ZIM2: variants seen among roughly 807,000 people sequenced by gnomAD.
ZIM2 encodes zinc finger protein 656.
A neutral mutation model predicts 38.6 loss-of-function variants in ZIM2; 14 were observed. The ratio of observed to expected loss-of-function variants is 0.36; its 90% CI spans 0.24 to 0.57. The LOEUF is 0.57. Ranked by LOEUF, ZIM2 falls within the 20% of genes least tolerant of loss-of-function variation. The pLI is 0.81. For synonymous variants in ZIM2, 247 were observed against 245.8 expected, an observed-to-expected ratio of 1.00 and a Z score of -0.04; for missense variants, 680 against 695.1, an observed-to-expected ratio of 0.98 and a Z score of 0.24.
At chr19:56,783,252 A>G (rs2046419029) in intron 10 of ZIM2, among the ~76,000 whole-genome samples, 1 of 152,210 alleles carries the variant, frequency 6.6e-6, no homozygotes, top group South Asian at 2.1e-4. Context: ...TCAATTAACT[A>G]CAGTTATATA....
chr19:56,812,818 T>TAAA (rs11392622), intron 9 of ZIM2: 167 of 867,474 alleles, frequency 1.9e-4, no homozygotes, highest in South Asian at 2.2e-4. Context: ...TTGAGTTGGT[T>TAAA]AAAAAAAAAA....
intron 9 of ZIM2, among the ~76,000 whole-genome samples, chr19:56,806,054 G>T (rs186295560): frequency 2.0e-5 from 3 of 152,228 alleles, no homozygotes; most frequent in Admixed American, 2.0e-4. Flanking sequence ...TATGCCCAGT[G>T]GTTATAAAAA....
chr19:56,799,883 G>A lies in ZIM2; in HGVS notation c.491-9932C>T, dbSNP rs139673211. Reference sequence around the variant, plus strand: ...AAAGGAACAAACTGCCTATACATGCGATAAAATGGATGAATATAGAAAAAC... The same window carrying A: ...AAAGGAACAAACTGCCTATACATGCAATAAAATGGATGAATATAGAAAAAC... On this transcript the variant is annotated intron_variant, in intron 9 of 12. Coordinates refer to ENST00000629319, the MANE Select transcript of ZIM2 (RefSeq NM_001387356.1). Among the ~76,000 whole-genome samples, 20 of 152,308 alleles carry A rather than the reference G, an allele frequency of 1.3e-4. 1 individual carries two copies. In the East Asian group the frequency reaches 3.5e-3, roughly 26 times the overall value.
intron 2 of ZIM2, among the ~76,000 whole-genome samples, chr19:56,828,217 A>G (rs2061245816): frequency 6.6e-6 from 1 of 152,126 alleles, no homozygotes; most frequent in Admixed American, 6.6e-5. Flanking sequence ...ATCCATAGTC[A>G]TACCCTAACC....
chr19:56,789,771 A>G (rs1403973115), intron 10 of ZIM2, 101 bp downstream of exon 10: 1 of 1,036,246 alleles, frequency 9.7e-7, no homozygotes, highest in Non-Finnish European at 1.3e-6. Context: ...ATAAAAACTT[A>G]ATGGAAATGA....
intron 10 of ZIM2, among the ~76,000 whole-genome samples, chr19:56,786,928 C>T (rs1277584745): frequency 6.6e-6 from 1 of 152,208 alleles, no homozygotes; most frequent in Non-Finnish European, 1.5e-5. Flanking sequence ...CCTCCACCTC[C>T]TGGGTTCAAG....
intron 2 of ZIM2, among the ~76,000 whole-genome samples, chr19:56,835,670 G>A (rs1218739181): frequency 2.6e-5 from 4 of 152,154 alleles, no homozygotes; most frequent in Non-Finnish European, 5.9e-5. Context: ...CCCCCATTGG[G>A]GCTATGTCCC....
intron 9 of ZIM2, among the ~76,000 whole-genome samples, chr19:56,807,495 G>C (rs953228954): frequency 4.6e-5 from 7 of 152,270 alleles, no homozygotes; most frequent in South Asian, 4.1e-4. Context: ...CAATATCTCT[G>C]ACAGGGCAAC....
chr19:56,807,747 T>C (rs1600818498), intron 9 of ZIM2, among the ~76,000 whole-genome samples: 1 of 151,844 alleles, frequency 6.6e-6, no homozygotes, highest in East Asian at 1.9e-4. Context: ...GCTGTGTTTG[T>C]GCCACTGCAC....
intron 11 of ZIM2, among the ~76,000 whole-genome samples, chr19:56,780,510 T>C (rs549791623): frequency 1.3e-5 from 2 of 152,210 alleles, no homozygotes; most frequent in African/African-American, 4.8e-5. Flanking sequence ...TCCCAAAGTG[T>C]TGGGATTACA....
At chr19:56,808,942 C>T (rs778544230) in intron 9 of ZIM2, among the ~76,000 whole-genome samples, 7 of 152,042 alleles carry the variant, frequency 4.6e-5, no homozygotes, top group South Asian at 2.1e-4. Flanking sequence ...TGACTGGACA[C>T]GGGGAACCTA....
At position 56,787,558 on chromosome 19, in the gene ZIM2, T is replaced by G. The variant is rs564560246; in HGVS notation, c.570+2314A>C. Among the ~76,000 whole-genome samples, 6 of 152,282 alleles carry G rather than the reference T, an allele frequency of 3.9e-5. No homozygotes were observed. In the South Asian group the frequency reaches 1.2e-3, roughly 32 times the overall value. ...GGATATTGGCCTGAAATTTTCTTTT[T>G]TTGTTGTCTCTGCCAGGTTTTGCTA... On this transcript the variant is annotated intron_variant, in intron 10 of 12. Transcript: ENST00000629319.
intron 9 of ZIM2, chr19:56,812,563 G>A: frequency 2.0e-6 from 2 of 985,784 alleles, no homozygotes; most frequent in East Asian, 1.1e-4. Flanking sequence ...ATAAGCTGAT[G>A]CTGCACAGGG....
Position 56,774,677 on chromosome 19 carries a change from C to T in ZIM2, c.*11G>A. 1.2e-6 allele frequency: 2 copies of T among 1,611,370 alleles called. No individual in the cohort carries two copies. The highest frequency in any genetic ancestry group is 4.5e-5 in the East Asian group (2 of 44,844). ...ATGTTGAGAAAAGTGTGTGCTGTGA[C>T]TAAAGGTTTCTCAACAGTGATCGCA... On this transcript the variant is annotated 3_prime_UTR_variant, in exon 13 of 13. Transcript: ENST00000629319.
chr19:56,834,058 A>C (rs1322028152), intron 2 of ZIM2, among the ~76,000 whole-genome samples: 1 of 152,228 alleles, frequency 6.6e-6, no homozygotes, highest in Non-Finnish European at 1.5e-5. Flanking sequence ...ACCAGCACAA[A>C]ATGGTTCAAG....
chr19:56,820,121 A>G lies in ZIM2; in HGVS notation c.295-1419T>C, dbSNP rs138442777. Among the ~76,000 whole-genome samples, 521 of 152,376 alleles carry G rather than the reference A, an allele frequency of 3.4e-3. 2 individuals are homozygous for G. The highest frequency in any genetic ancestry group is 0.012 in the African/African-American group (489 of 41,590). ...GTTGTTCGCTTTGTGTTTGTAATCA[A>G]CAATGACATCTTAATGCATACAAAC... On this transcript the variant is annotated intron_variant, in intron 7 of 12. Transcript: ENST00000629319.
intron 9 of ZIM2, among the ~76,000 whole-genome samples, chr19:56,795,259 C>T (rs2047139420): frequency 6.6e-6 from 1 of 152,192 alleles, no homozygotes; most frequent in Non-Finnish European, 1.5e-5. Flanking sequence ...TTAGGGCAGT[C>T]AGACGCAGCC....
intron 2 of ZIM2, among the ~76,000 whole-genome samples, chr19:56,832,547 C>A (rs1263010003): frequency 6.6e-6 from 1 of 152,254 alleles, no homozygotes; most frequent in African/African-American, 2.4e-5. Flanking sequence ...GCTTCCATAT[C>A]TCCCTCTGCT....
intron 9 of ZIM2, chr19:56,813,691 T>C: frequency 6.2e-7 from 1 of 1,613,258 alleles, no homozygotes; most frequent in South Asian, 1.1e-5. Flanking sequence ...AGTGTGGGTA[T>C]TCTGGTGTCT....
Sources: gnomAD v4.1 joint callset for allele counts (sites outside exome capture counted in the v4.1 genomes callset) on GRCh38, gnomAD v4.1.1 for gene constraint, MANE v1.5 for transcripts, NCBI Gene and HGNC (gene_info 2026-07-23, HGNC 2026-07-21) for gene names.